VAV2: variants seen among roughly 807,000 people sequenced by gnomAD.
The protein encoded by VAV2 is guanine nucleotide exchange factor VAV2.
VAV2 carries 67 observed loss-of-function variants against 132.5 expected under a neutral mutation model. The observed-to-expected ratio is 0.51, with a 90% CI of 0.42 to 0.62. The LOEUF (loss-of-function observed/expected upper bound fraction) is 0.62, where lower values mean the gene tolerates loss of function less well. Ranked by LOEUF, VAV2 falls within the 20% of genes least tolerant of loss-of-function variation. The pLI, the probability that VAV2 is intolerant of heterozygous loss-of-function variation, is 0.00. For synonymous variants in VAV2, 492 were observed against 443.5 expected (o/e 1.11, Z -1.37); for missense variants, 938 against 1,153.6 (o/e 0.81, Z 2.71).
chr9:133,982,499 C>G (rs1480771351), intron 1 of VAV2, among the ~76,000 whole-genome samples: 2 of 149,106 alleles, frequency 1.3e-5, no homozygotes, highest in Middle Eastern at 3.5e-3. Flanking sequence ...TAGGATGGGG[C>G]GCGGCAGACT....
chr9:133,908,152 G>A (rs1303107063), intron 2 of VAV2, among the ~76,000 whole-genome samples: 2 of 150,802 alleles, frequency 1.3e-5, no homozygotes, highest in African/African-American at 2.4e-5. Context: ...CCCCCAAAGA[G>A]TGGAACTGGG....
intron 1 of VAV2, among the ~76,000 whole-genome samples, chr9:133,953,993 A>G (rs2132191446): frequency 6.6e-6 from 1 of 151,502 alleles, no homozygotes; most frequent in East Asian, 2.0e-4. Context: ...GTGGCTCCAC[A>G]TGTGGGACAA....
chr9:133,783,135 G>A (rs761372980), intron 19 of VAV2, among the ~76,000 whole-genome samples: 1 of 152,196 alleles, frequency 6.6e-6, no homozygotes, highest in Non-Finnish European at 1.5e-5. Context: ...AGAACCCAGG[G>A]TGACCGGTGT....
At chr9:133,795,527 G>T in intron 12 of VAV2, 141 bp downstream of exon 12, 2 of 1,048,324 alleles carry the variant, frequency 1.9e-6, no homozygotes, top group Non-Finnish European at 2.9e-6. Flanking sequence ...CCACTGCCCT[G>T]CCCTGCCCTG....
At chr9:133,774,193 G>T (rs1222949405) in intron 25 of VAV2, among the ~76,000 whole-genome samples, 1 of 152,226 alleles carries the variant, frequency 6.6e-6, no homozygotes, top group East Asian at 1.9e-4. Context: ...TGGTGGCCTG[G>T]CTGCCTGGTC....
At chr9:133,945,036 T>A (rs1357194841) in intron 1 of VAV2, among the ~76,000 whole-genome samples, 3 of 152,020 alleles carry the variant, frequency 2.0e-5, no homozygotes, top group Non-Finnish European at 4.4e-5. Flanking sequence ...GGCTAAGAGC[T>A]CCCTTGAGTC....
At chr9:133,958,779 C>T (rs1841874544) in intron 1 of VAV2, among the ~76,000 whole-genome samples, 1 of 152,252 alleles carries the variant, frequency 6.6e-6, no homozygotes, top group East Asian at 1.9e-4. Context: ...ACAGCTCCAT[C>T]ACCACCTGCA....
At chr9:133,836,039 G>A (rs1224124586) in intron 3 of VAV2, among the ~76,000 whole-genome samples, 2 of 152,218 alleles carry the variant, frequency 1.3e-5, no homozygotes, top group Non-Finnish European at 2.9e-5. Flanking sequence ...GCAGAGCTGA[G>A]GCTGCCACGA....
intron 2 of VAV2, among the ~76,000 whole-genome samples, chr9:133,888,598 A>C (rs1464340334): frequency 6.6e-6 from 1 of 152,188 alleles, no homozygotes; most frequent in Non-Finnish European, 1.5e-5. Flanking sequence ...AGACGGATGC[A>C]GCTCTGGGAA....
chr9:133,767,987 C>T (rs1391535787), intron 29 of VAV2, among the ~76,000 whole-genome samples: 1 of 152,170 alleles, frequency 6.6e-6, no homozygotes, highest in African/African-American at 2.4e-5. Flanking sequence ...ATTGGGGACA[C>T]ACTGTGTCCC....
In VAV2 at chr9:133,884,325, C is replaced by G. The variant is rs1229063901; in HGVS notation, c.322-22893G>C. Among the ~76,000 whole-genome samples the G allele has an allele frequency of 6.6e-6, 1 of 152,222 alleles. No individual in the cohort carries two copies. Among genetic ancestry groups the G allele is most frequent in the Non-Finnish European group, 1.5e-5 (1 of 68,038 alleles). On this transcript the variant is annotated intron_variant, in intron 2 of 29. Coordinates refer to ENST00000371850, the MANE Select transcript of VAV2 (RefSeq NM_001134398.2). The surrounding 1 kb of genome is among the most constrained non-coding windows in gnomAD (Gnocchi z 5.3). ...CACCACCACGCGTCCTGCCTCCCAGCTGGACCCCAGGCTCCTCCAAAGTAC... is the reference window on the plus strand; with the variant it reads ...CACCACCACGCGTCCTGCCTCCCAGGTGGACCCCAGGCTCCTCCAAAGTAC...
In VAV2 at chr9:133,785,850, T is replaced by A; in HGVS notation, c.1458A>T (p.Gly486=). 1 of 1,614,016 alleles carries A rather than the reference T, an allele frequency of 6.2e-7. No homozygotes were observed. The highest frequency in any genetic ancestry group is 8.5e-7 in the Non-Finnish European group (1 of 1,179,980). Residue 486 remains glycine (G), a synonymous_variant, in exon 17 of 30, where the codon GGA becomes GGT. Coordinates refer to ENST00000371850, the MANE Select transcript of VAV2 (RefSeq NM_001134398.2). ...TGCAGAAAAACTGGAAGCCCTGCTT[T>A]CCTTGAAGGTGAATTAGGTAGAAGC... The part of the protein sequence containing the change: ...SYGFYLIHLQ[G]KQGFQFFCKT...
At chr9:133,812,352 C>T (rs1835392589) in intron 4 of VAV2, 136 bp from the exon 5 acceptor site, 1 of 779,528 alleles carries the variant, frequency 1.3e-6, no homozygotes, top group Admixed American at 2.1e-5. Context: ...CCTCAGTCTA[C>T]AAAGTGGGGT....
intron 1 of VAV2, among the ~76,000 whole-genome samples, chr9:133,944,986 C>T (rs997248150): frequency 2.0e-5 from 3 of 152,190 alleles, no homozygotes; most frequent in African/African-American, 2.4e-5. Context: ...TGATTATAGG[C>T]GCTCCACGGC....
intron 9 of VAV2, among the ~76,000 whole-genome samples, chr9:133,801,808 C>T (rs1564361326): frequency 2.0e-5 from 3 of 152,140 alleles, no homozygotes; most frequent in Admixed American, 2.0e-4. Flanking sequence ...GGACAGAGAA[C>T]GAAGCAGCCC....
At chr9:133,796,555 C>T in intron 10 of VAV2, 31 bp from the exon 11 acceptor site, 1 of 1,598,550 alleles carries the variant, frequency 6.3e-7, no homozygotes. Context: ...TGGGAGAGCC[C>T]TCCCCGAGGA....
chr9:133,763,852 CAATAGCATA>C lies in VAV2; in HGVS notation c.*201_*209del. 9.8e-6 allele frequency: 6 copies of C among 613,626 alleles called. No individual in the cohort carries two copies. Among genetic ancestry groups the C allele is most frequent in the Non-Finnish European group, 1.7e-5 (6 of 349,358 alleles). The allele number at this position is 613,626 out of a possible 1,614,324, so 38.0% of individuals were successfully genotyped here. ...GGCTAGCCCAGGTTTCCTCTATGTACAATAGCATACCCAGTGATGGGTCGCCGAGGGCAG... is the reference window on the plus strand; with the variant it reads ...GGCTAGCCCAGGTTTCCTCTATGTACCCCAGTGATGGGTCGCCGAGGGCAG... On this transcript the variant is annotated 3_prime_UTR_variant, in exon 30 of 30. Transcript: ENST00000371850. This position sits in a 1 kb window ranked among gnomAD's most constrained non-coding sequence, Gnocchi z 6.8.
At chr9:133,949,555 C>T (rs1439833288) in intron 1 of VAV2, among the ~76,000 whole-genome samples, 2 of 152,248 alleles carry the variant, frequency 1.3e-5, no homozygotes, top group Non-Finnish European at 2.9e-5. Context: ...TTCTCCTCCT[C>T]TGTACCTGCC....
Position 133,858,042 on chromosome 9 carries a change from A to G in VAV2, c.380+3332T>C, listed in dbSNP as rs143030160. Among the ~76,000 whole-genome samples, 417 of 152,312 alleles carry G rather than the reference A, an allele frequency of 2.7e-3. 2 individuals carry two copies. The highest frequency in any genetic ancestry group is 9.3e-3 in the African/African-American group (385 of 41,562). On this transcript the variant is annotated intron_variant, in intron 3 of 29. Coordinates refer to ENST00000371850, the MANE Select transcript of VAV2 (RefSeq NM_001134398.2). ...TGTGTGCAGAAAGGGGTAACTGAGC[A>G]GGCTTGGGGTGCTCAACCCCTCCAC...
Sources: gnomAD v4.1 joint callset for allele counts (sites outside exome capture counted in the v4.1 genomes callset) on GRCh38, gnomAD v4.1.1 for gene constraint, Gnocchi (gnomAD v3.1) non-coding constraint, MANE v1.5 for transcripts, NCBI Gene and HGNC (gene_info 2026-07-23, HGNC 2026-07-21) for gene names.